Variants in MTPAP observed in about 807,000 individuals in gnomAD.
The protein encoded by MTPAP is mitochondrial poly(A) polymerase, also known as poly(A) RNA polymerase, mitochondrial.
A neutral mutation model predicts 48.7 loss-of-function variants in MTPAP; 23 were observed. That is an observed-to-expected ratio of 0.47 (90% CI 0.34 to 0.67). The LOEUF (loss-of-function observed/expected upper bound fraction) is 0.67. Among genes scored for constraint, MTPAP ranks in the 30% least tolerant of loss-of-function variants. MTPAP has a pLI of 0.01. For synonymous variants in MTPAP, 257 were observed against 254.1 expected, an observed-to-expected ratio of 1.01 and a Z score of -0.11; for missense variants, 614 against 694.3, an observed-to-expected ratio of 0.88 and a Z score of 1.30.
chr10:30,334,531 C>G (rs112891611), intron 4 of MTPAP, among the ~76,000 whole-genome samples: 1 of 151,856 alleles, frequency 6.6e-6, no homozygotes. Flanking sequence ...CGTGGTGGGG[C>G]GTGCCTGAAG....
intron 4 of MTPAP, among the ~76,000 whole-genome samples, chr10:30,329,999 GA>G (rs903989784): frequency 1.3e-5 from 2 of 151,600 alleles, no homozygotes; most frequent in Non-Finnish European, 2.9e-5. Flanking sequence ...ATACGCACAG[GA>G]AAAAAAATCC....
intron 1 of MTPAP, among the ~76,000 whole-genome samples, chr10:30,346,464 G>C (rs1225801731): frequency 6.6e-6 from 1 of 152,158 alleles, no homozygotes; most frequent in Non-Finnish European, 1.5e-5. Context: ...GTAAGAATCT[G>C]AGAGCTGAGC....
intron 1 of MTPAP, chr10:30,348,781 T>C (rs746843881): frequency 5.0e-5 from 16 of 319,112 alleles, no homozygotes; most frequent in Non-Finnish European, 8.9e-5. Flanking sequence ...AGCGACTGGC[T>C]CAGGTGTGTA....
chr10:30,314,807 G>A (rs1463738146), intron 8 of MTPAP, among the ~76,000 whole-genome samples: 1 of 150,212 alleles, frequency 6.7e-6, no homozygotes, highest in Non-Finnish European at 1.5e-5. Flanking sequence ...AGGAGGCGGA[G>A]GCTGCAGTGA....
intron 5 of MTPAP, among the ~76,000 whole-genome samples, chr10:30,323,315 G>A (rs1456863852): frequency 6.6e-6 from 1 of 150,998 alleles, no homozygotes; most frequent in African/African-American, 2.4e-5. Flanking sequence ...AGCTGGGCGT[G>A]GTGGCGCATG....
chr10:30,328,443 G>A (rs1834624963), intron 4 of MTPAP, among the ~76,000 whole-genome samples: 1 of 152,130 alleles, frequency 6.6e-6, no homozygotes, highest in Non-Finnish European at 1.5e-5. Context: ...TAGAAATTAC[G>A]TCAAAGGAAT....
Position 30,326,456 on chromosome 10 carries a change from G to A in MTPAP, c.960C>T (p.Ser320=), listed in dbSNP as rs185764766. The A allele has an allele frequency of 5.8e-5, 94 of 1,613,996 alleles. No individual in the cohort carries two copies. In the East Asian group the frequency reaches 1.5e-3, roughly 25 times the overall value. The part of the protein sequence containing the change: ...CPLVRFSHQA[S]GFQCDLTTNN... ...TCGTAGTCAAATCACACTGAAATCCGGAGGCCTGGTGTGAGAACCTCACGA... is the reference window on the plus strand; with the variant it reads ...TCGTAGTCAAATCACACTGAAATCCAGAGGCCTGGTGTGAGAACCTCACGA... Residue 320 remains serine (S), a synonymous_variant, in exon 5 of 9, where the codon TCC becomes TCT. Transcript: ENST00000263063.
chr10:30,344,328 C>T (rs1172076817), intron 1 of MTPAP, among the ~76,000 whole-genome samples: 2 of 152,162 alleles, frequency 1.3e-5, no homozygotes, highest in Non-Finnish European at 2.9e-5. Flanking sequence ...CTGGCAAACT[C>T]CCATTCACCC....
intron 1 of MTPAP, among the ~76,000 whole-genome samples, chr10:30,342,569 C>A (rs1321644481): frequency 6.3e-5 from 9 of 143,270 alleles, no homozygotes; most frequent in Non-Finnish European, 9.2e-5. Context: ...AACCAGGAAA[C>A]TAAAATCACT....
rs1014516791 is a variant in MTPAP at position 30,310,089 on chromosome 10, T to C, written c.*3520A>G. Reference sequence around the variant, plus strand: ...CTGAATGAAAGCCTAGTAATAGTTATAGAAGAAAAAAACTTGAAAAAAGTT... The same window carrying C: ...CTGAATGAAAGCCTAGTAATAGTTACAGAAGAAAAAAACTTGAAAAAAGTT... On this transcript the variant is annotated 3_prime_UTR_variant, in exon 9 of 9. Transcript: ENST00000263063. 3 of 152,318 alleles carry C rather than the reference T, an allele frequency of 2.0e-5. No homozygotes were observed. The highest frequency in any genetic ancestry group is 4.8e-5 in the African/African-American group (2 of 41,574). The allele number at this position is 152,318 out of a possible 1,614,324, so 9.4% of individuals were successfully genotyped here.
chr10:30,337,904 T>C (rs912643874), intron 3 of MTPAP, among the ~76,000 whole-genome samples: 3 of 152,134 alleles, frequency 2.0e-5, no homozygotes, highest in East Asian at 1.9e-4. Flanking sequence ...ATACTGAAAT[T>C]GTGTACTGGA....
chr10:30,316,866 G>T lies in MTPAP; in HGVS notation c.1220-656C>A, dbSNP rs2484283. On this transcript the variant is annotated intron_variant, in intron 6 of 8. Coordinates refer to ENST00000263063, the MANE Select transcript of MTPAP (RefSeq NM_018109.4). ...GATCACATCACTGTTGCCTGGGCAA[G>T]AGAGCAAGACTCCATCTCAAAAAAC... Among the ~76,000 whole-genome samples, 3 of 152,030 alleles carry T rather than the reference G, an allele frequency of 2.0e-5. No homozygotes were observed. The South Asian group carries it at 6.2e-4, about 32-fold the overall frequency.
rs569840526 is a variant in MTPAP at position 30,349,056 on chromosome 10, C to T, written c.157+63G>A. 18 of 1,611,602 alleles carry T rather than the reference C, an allele frequency of 1.1e-5. No individual in the cohort carries two copies. The South Asian group carries it at 1.9e-4, about 17-fold the overall frequency. On this transcript the variant is annotated intron_variant, in intron 1 of 8. Transcript: ENST00000263063. Reference sequence around the variant, plus strand: ...GCCGTTTCCACAGGCCACGTGTTTCCCCGTGATCCCAGACTCCTCGCCCGC... The same window carrying T: ...GCCGTTTCCACAGGCCACGTGTTTCTCCGTGATCCCAGACTCCTCGCCCGC...
intron 1 of MTPAP, among the ~76,000 whole-genome samples, chr10:30,348,219 C>A (rs1834893762): frequency 6.6e-6 from 1 of 152,148 alleles, no homozygotes; most frequent in Non-Finnish European, 1.5e-5. Flanking sequence ...GAATGAAATA[C>A]ATAAAGATTT....
At chr10:30,341,037 A>G (rs569775225) in intron 2 of MTPAP, among the ~76,000 whole-genome samples, 2 of 152,298 alleles carry the variant, frequency 1.3e-5, no homozygotes, top group East Asian at 3.9e-4. Context: ...ACTGGCCTTC[A>G]TCCGCAAGTT....
chr10:30,332,313 G>C (rs896179443), intron 4 of MTPAP, among the ~76,000 whole-genome samples: 7 of 152,268 alleles, frequency 4.6e-5, no homozygotes, highest in African/African-American at 1.7e-4. Context: ...GTGTATGTAT[G>C]ACAGAGTCTT....
chr10:30,340,425 C>CA lies in MTPAP; in HGVS notation c.355dup (p.Cys119LeufsTer41). The CA allele has an allele frequency of 6.2e-7, 1 of 1,614,016 alleles. No individual in the cohort carries two copies. On this transcript the variant is annotated frameshift_variant, in exon 3 of 9. Coordinates refer to ENST00000263063, the MANE Select transcript of MTPAP (RefSeq NM_018109.4). LOFTEE classifies it high-confidence loss of function. ...CAGTGAACCTATGCTTTCCTTTTGG[C>CA]AAAATTCTACGACAGCATAGAGACC...
chr10:30,341,740 A>G (rs555409367), intron 1 of MTPAP, 100 bp from the exon 2 acceptor site: 1 of 1,200,700 alleles, frequency 8.3e-7, no homozygotes, highest in East Asian at 2.4e-5. Flanking sequence ...ACTAAAACCA[A>G]CTTCACCTAA....
At chr10:30,336,628 G>A (rs1013949981) in intron 4 of MTPAP, among the ~76,000 whole-genome samples, 175 bp downstream of exon 4, 1 of 152,114 alleles carries the variant, frequency 6.6e-6, no homozygotes, top group African/African-American at 2.4e-5. Flanking sequence ...TCACATAGTA[G>A]AACAATACAA....
Sources: allele counts gnomAD v4.1 joint callset (sites outside exome capture counted in the v4.1 genomes callset), GRCh38; gene constraint gnomAD v4.1.1; transcripts MANE v1.5; gene names NCBI Gene and HGNC (gene_info 2026-07-23, HGNC 2026-07-21).